The following SLC24A2 variants were observed in gnomAD, a reference collection of about 807,000 sequenced individuals.
SLC24A2 encodes solute carrier family 24 member 2, also known as sodium/potassium/calcium exchanger 2.
SLC24A2 carries 36 observed loss-of-function variants against 62.0 expected under a neutral mutation model. The ratio of observed to expected loss-of-function variants is 0.58; its 90% CI spans 0.44 to 0.77. SLC24A2 has a LOEUF of 0.77. Ranked by LOEUF, SLC24A2 falls within the 30% of genes least tolerant of loss-of-function variation. SLC24A2 has a pLI of 0.00. For missense variants in SLC24A2, 846 were observed against 817.9 expected, an observed-to-expected ratio of 1.03 and a Z score of -0.42; for synonymous variants, 358 against 294.0, an observed-to-expected ratio of 1.22 and a Z score of -2.23.
intron 2 of SLC24A2, among the ~76,000 whole-genome samples, chr9:19,697,083 T>C (rs964408260): frequency 1.3e-5 from 2 of 152,198 alleles, no homozygotes; most frequent in Non-Finnish European, 2.9e-5. Flanking sequence ...TTAGCAGTTA[T>C]GATCCACAAT....
At chr9:19,836,654 G>A in the SLC24A2 span, among the ~76,000 whole-genome samples, 1 of 152,194 alleles carries the variant, frequency 6.6e-6, no homozygotes, top group Non-Finnish European at 1.5e-5. Context: ...GAGGTACAAG[G>A]AGGAACTGGT....
intron 2 of SLC24A2, among the ~76,000 whole-genome samples, chr9:19,724,078 C>T (rs1196289689): frequency 3.3e-5 from 5 of 152,110 alleles, no homozygotes; most frequent in Non-Finnish European, 7.4e-5. Flanking sequence ...GCCATAATCT[C>T]ATAATTTAAT....
the SLC24A2 span, among the ~76,000 whole-genome samples, chr9:19,958,634 T>A: frequency 6.6e-6 from 1 of 152,232 alleles, no homozygotes; most frequent in African/African-American, 2.4e-5. Context: ...TCTCTGAGGC[T>A]GTTTCTTTGT....
chr9:20,118,503 ACTT>A, the SLC24A2 span, among the ~76,000 whole-genome samples: 1 of 152,080 alleles, frequency 6.6e-6, no homozygotes. Flanking sequence ...TTGTGGATTC[ACTT>A]CTTATATTTA....
chr9:20,164,317 G>A, the SLC24A2 span, among the ~76,000 whole-genome samples: 1 of 151,926 alleles, frequency 6.6e-6, no homozygotes, highest in Non-Finnish European at 1.5e-5. Context: ...CAAAAAGTGG[G>A]CAAAGGACAT....
In SLC24A2 at chr9:19,507,753, C is replaced by T. The variant is rs1832553654; in HGVS notation, c.*8400G>A. 6.6e-6 allele frequency: 1 copy of T among 152,164 alleles called. No individual in the cohort carries two copies. 9.4% of individuals were successfully genotyped at this position (152,164 alleles called of 1,614,324 possible). On this transcript the variant is annotated 3_prime_UTR_variant, in exon 11 of 11. Coordinates refer to ENST00000341998, the MANE Select transcript of SLC24A2 (RefSeq NM_020344.4). ...TGAAAATTACGCATAATAAACACAA[C>T]ACATACAAAATGACAGAAGTAATTT...
the SLC24A2 span, among the ~76,000 whole-genome samples, chr9:20,212,119 T>A: frequency 2.0e-5 from 3 of 148,844 alleles, no homozygotes; most frequent in Admixed American, 1.3e-4. Flanking sequence ...CTATGACAAG[T>A]GATAAAAAGA....
the SLC24A2 span, among the ~76,000 whole-genome samples, chr9:20,115,021 G>A: frequency 1.3e-5 from 2 of 152,112 alleles, no homozygotes; most frequent in Non-Finnish European, 2.9e-5. Flanking sequence ...TTTTCATAGA[G>A]GAGAGGAAAA....
At chr9:20,118,925 T>C in the SLC24A2 span, among the ~76,000 whole-genome samples, 1 of 152,140 alleles carries the variant, frequency 6.6e-6, no homozygotes, top group East Asian at 1.9e-4. Context: ...GTCACTCTCA[T>C]GATTTCATCA....
chr9:19,995,709 C>A, the SLC24A2 span, among the ~76,000 whole-genome samples: 5 of 152,198 alleles, frequency 3.3e-5, no homozygotes, highest in Non-Finnish European at 7.3e-5. Flanking sequence ...AGGCACAGAG[C>A]AGTTAGCTAG....
chr9:19,900,223 G>A, the SLC24A2 span, among the ~76,000 whole-genome samples: 1 of 152,228 alleles, frequency 6.6e-6, no homozygotes, highest in East Asian at 1.9e-4. Context: ...TATTCATTTA[G>A]CCAGTTCTGA....
At chr9:20,206,585 G>A in the SLC24A2 span, among the ~76,000 whole-genome samples, 5 of 151,978 alleles carry the variant, frequency 3.3e-5, no homozygotes, top group African/African-American at 1.2e-4. Flanking sequence ...TGCCTCCCAG[G>A]TTCAAGTGAT....
intron 2 of SLC24A2, among the ~76,000 whole-genome samples, chr9:19,706,069 A>G (rs1272351602): frequency 6.6e-6 from 1 of 152,068 alleles, no homozygotes; most frequent in Non-Finnish European, 1.5e-5. Context: ...TGGGAGTCCA[A>G]GTCTCTTTGT....
chr9:19,633,326 T>C (rs1818225025), intron 2 of SLC24A2, among the ~76,000 whole-genome samples: 1 of 152,242 alleles, frequency 6.6e-6, no homozygotes, highest in African/African-American at 2.4e-5. Flanking sequence ...AGAGTACAAT[T>C]GCTGGATCAT....
At chr9:20,072,362 G>C in the SLC24A2 span, among the ~76,000 whole-genome samples, 3 of 152,066 alleles carry the variant, frequency 2.0e-5, no homozygotes, top group African/African-American at 7.2e-5. Flanking sequence ...GGTGAAAGGA[G>C]GACAAGAGAA....
chr9:19,920,919 C>T, the SLC24A2 span, among the ~76,000 whole-genome samples: 3 of 152,180 alleles, frequency 2.0e-5, no homozygotes, highest in East Asian at 5.8e-4. Flanking sequence ...TGACCCTGAG[C>T]AAGTTATTTA....
At chr9:20,210,637 CT>C in the SLC24A2 span, among the ~76,000 whole-genome samples, 1 of 80,870 alleles carries the variant, frequency 1.2e-5, no homozygotes, top group African/African-American at 5.7e-5. Flanking sequence ...CAACGCCCGG[CT>C]TTTTTTTTTT....
At position 19,632,387 on chromosome 9, in the gene SLC24A2, T is replaced by G. The variant is rs892850569; in HGVS notation, c.931-10088A>C. On this transcript the variant is annotated intron_variant, in intron 2 of 10. Transcript: ENST00000341998. This position sits in a 1 kb window ranked among gnomAD's most constrained non-coding sequence, Gnocchi z 4.5. ...ACATGTTTAATGAGCATCTTATATG[T>G]GCTACATTTTTCTAGGTGCAGGGAT... Among the ~76,000 whole-genome samples the G allele has an allele frequency of 2.8e-4, 43 of 152,202 alleles. No homozygotes were observed. Among genetic ancestry groups the G allele is most frequent in the Admixed American group, 2.8e-3 (43 of 15,286 alleles).
At chr9:19,740,387 T>C (rs548850077) in intron 2 of SLC24A2, among the ~76,000 whole-genome samples, 5 of 152,212 alleles carry the variant, frequency 3.3e-5, no homozygotes, top group Non-Finnish European at 5.9e-5. Context: ...AATGAAATAC[T>C]ATAGAGCAAT....
Sources: gnomAD v4.1 joint callset for allele counts (sites outside exome capture counted in the v4.1 genomes callset) on GRCh38, gnomAD v4.1.1 for gene constraint, Gnocchi (gnomAD v3.1) non-coding constraint, MANE v1.5 for transcripts, NCBI Gene and HGNC (gene_info 2026-07-23, HGNC 2026-07-21) for gene names.